The following FBXW4 variants were observed in gnomAD, a reference collection of about 807,000 sequenced individuals.
FBXW4 encodes the protein F-box and WD repeat domain containing 4, also known as F-box/WD repeat-containing protein 4.
A neutral mutation model predicts 61.8 loss-of-function variants in FBXW4; 40 were observed. The ratio of observed to expected loss-of-function variants is 0.65; its 90% CI spans 0.50 to 0.84. The LOEUF (loss-of-function observed/expected upper bound fraction) is 0.84, where lower values mean the gene tolerates loss of function less well. Ranked by LOEUF, FBXW4 falls within the 40% of genes least tolerant of loss-of-function variation. The pLI, the probability that FBXW4 is intolerant of heterozygous loss-of-function variation, is 0.00. For synonymous variants in FBXW4, 311 were observed against 313.8 expected (o/e 0.99, Z 0.10); for missense variants, 672 against 753.8 (o/e 0.89, Z 1.27).
chr10:101,660,097 G>C, intron 5 of FBXW4: 1 of 985,428 alleles, frequency 1.0e-6, no homozygotes, highest in Non-Finnish European at 1.2e-6. Flanking sequence ...GGAGGGGTCG[G>C]AGTCAGATTG....
chr10:101,614,250 A>G (rs1215736702), intron 6 of FBXW4, among the ~76,000 whole-genome samples: 1 of 152,208 alleles, frequency 6.6e-6, no homozygotes, highest in Non-Finnish European at 1.5e-5. Context: ...CTATAGAAGT[A>G]ATTTCATGTT....
chr10:101,694,977 T>C lies in FBXW4; in HGVS notation c.129A>G (p.Gly43=). Residue 43 remains glycine, a synonymous_variant, in exon 1 of 9, where the codon GGA becomes GGG. Coordinates refer to ENST00000331272, the MANE Select transcript of FBXW4 (RefSeq NM_022039.4). This position sits in a 1 kb window ranked among gnomAD's most constrained non-coding sequence, Gnocchi z 6.0. ...RGKRRKGKGK[G]KARAGQGGRG... is the part of the protein sequence containing the mutation. ...TTCCGCCTTGCCCCGCTCTCGCTTT[T>C]CCCTTCCCCTTCCCCTTCCTTCGCT... The C allele has an allele frequency of 2.5e-6, 3 of 1,181,598 alleles. No homozygotes were observed. Among genetic ancestry groups the C allele is most frequent in the African/African-American group, 1.6e-5 (1 of 63,298 alleles). The allele number at this position is 1,181,598 out of a possible 1,614,324, so 73.2% of individuals were successfully genotyped here.
chr10:101,683,650 G>C (rs1357225269), intron 1 of FBXW4, among the ~76,000 whole-genome samples: 1 of 152,080 alleles, frequency 6.6e-6, no homozygotes, highest in African/African-American at 2.4e-5. Flanking sequence ...TGGCTGGGGG[G>C]AAGGAAGGGG....
chr10:101,657,200 G>A (rs1427409125), intron 5 of FBXW4, among the ~76,000 whole-genome samples: 3 of 152,128 alleles, frequency 2.0e-5, no homozygotes, highest in Admixed American at 6.5e-5. Context: ...CAAGAGAGGA[G>A]TAAGAACAAG....
intron 5 of FBXW4, among the ~76,000 whole-genome samples, chr10:101,646,271 C>T (rs761427909): frequency 2.6e-5 from 4 of 152,216 alleles, no homozygotes; most frequent in Non-Finnish European, 4.4e-5. Flanking sequence ...CAAATTTAAC[C>T]TGGCCAGGGC....
intron 1 of FBXW4, among the ~76,000 whole-genome samples, chr10:101,681,106 G>A (rs1356424331): frequency 6.6e-6 from 1 of 152,184 alleles, no homozygotes; most frequent in Admixed American, 6.5e-5. Flanking sequence ...AACAGGTCTA[G>A]GCTGGGCTTG....
chr10:101,627,765 T>C (rs1252222447), intron 5 of FBXW4, among the ~76,000 whole-genome samples: 2 of 152,182 alleles, frequency 1.3e-5, no homozygotes, highest in African/African-American at 2.4e-5. Flanking sequence ...AGAAAGTGAA[T>C]ATGAAGCAAA....
intron 2 of FBXW4, among the ~76,000 whole-genome samples, chr10:101,674,465 T>A (rs1314135508): frequency 6.6e-6 from 1 of 152,158 alleles, no homozygotes; most frequent in Non-Finnish European, 1.5e-5. Context: ...CCGCAATAGA[T>A]CAGTTAAGGT....
intron 6 of FBXW4, among the ~76,000 whole-genome samples, chr10:101,614,785 G>A (rs1460849363): frequency 6.6e-6 from 1 of 152,186 alleles, no homozygotes; most frequent in African/African-American, 2.4e-5. Flanking sequence ...AAACTGACAC[G>A]CCAGGCTCTG....
intron 5 of FBXW4, among the ~76,000 whole-genome samples, chr10:101,651,367 A>G (rs1011104729): frequency 2.0e-5 from 3 of 152,062 alleles, no homozygotes; most frequent in Admixed American, 2.0e-4. Flanking sequence ...AGGGAGAGAA[A>G]GCCACAGGAT....
intron 4 of FBXW4, among the ~76,000 whole-genome samples, chr10:101,668,288 T>G (rs1279941483): frequency 6.6e-6 from 1 of 152,038 alleles, no homozygotes; most frequent in African/African-American, 2.4e-5. Flanking sequence ...TGAGAAGAAG[T>G]GGGTGGGTGG....
intron 5 of FBXW4, among the ~76,000 whole-genome samples, chr10:101,647,498 C>G (rs930365350): frequency 6.6e-6 from 1 of 152,224 alleles, no homozygotes; most frequent in East Asian, 1.9e-4. Context: ...CCCACTCACA[C>G]CACACCAACA....
At position 101,694,303 on chromosome 10, in the gene FBXW4, C is replaced by T. The variant is rs1343672719; in HGVS notation, c.725+78G>A. 1 of 1,299,920 alleles carries T rather than the reference C, an allele frequency of 7.7e-7. No individual in the cohort carries two copies. The allele number at this position is 1,299,920 out of a possible 1,614,324, so 80.5% of individuals were successfully genotyped here. The stretch of plus-strand genomic sequence containing the variant: ...GGGTGCGACACGACCCTGGGCCGAC[C>T]AGGCCGCGGCGCCCCGCCCTTTCCC... On this transcript the variant is annotated intron_variant, in intron 1 of 8. Coordinates refer to ENST00000331272, the MANE Select transcript of FBXW4 (RefSeq NM_022039.4). The surrounding 1 kb of genome is among the most constrained non-coding windows in gnomAD (Gnocchi z 6.0).
chr10:101,622,738 A>G (rs1338394525), intron 6 of FBXW4: 33 of 151,526 alleles, frequency 2.2e-4, no homozygotes, highest in Middle Eastern at 3.4e-3. Context: ...AAAAAAAAAA[A>G]AAAAAAAAAA....
chr10:101,621,302 G>A (rs2063864971), intron 6 of FBXW4, among the ~76,000 whole-genome samples: 1 of 152,200 alleles, frequency 6.6e-6, no homozygotes, highest in South Asian at 2.1e-4. Context: ...CAAGGTGGGA[G>A]GATCACTTGA....
intron 1 of FBXW4, among the ~76,000 whole-genome samples, chr10:101,687,688 T>C (rs1589784201): frequency 6.6e-6 from 1 of 152,166 alleles, no homozygotes; most frequent in East Asian, 1.9e-4. Flanking sequence ...ACACACTTCA[T>C]ACAAATACGA....
intron 5 of FBXW4, among the ~76,000 whole-genome samples, chr10:101,651,451 TCAGGG>T (rs2064145169): frequency 6.6e-6 from 1 of 152,042 alleles, no homozygotes; most frequent in African/African-American, 2.4e-5. Flanking sequence ...CATACAGAGG[TCAGGG>T]CTGGGTCTCC....
At chr10:101,681,484 G>A (rs1052095128) in intron 1 of FBXW4, among the ~76,000 whole-genome samples, 8 of 150,876 alleles carry the variant, frequency 5.3e-5, no homozygotes, top group Non-Finnish European at 8.9e-5. Context: ...TTGGGAGGCC[G>A]AGGCAGGCGG....
intron 5 of FBXW4, among the ~76,000 whole-genome samples, chr10:101,652,024 G>A (rs1304659947): frequency 6.6e-6 from 1 of 151,886 alleles, no homozygotes; most frequent in African/African-American, 2.4e-5. Flanking sequence ...GGAGGGGAGA[G>A]ATTCCCTCCC....
Sources: allele counts gnomAD v4.1 joint callset (sites outside exome capture counted in the v4.1 genomes callset), GRCh38; gene constraint gnomAD v4.1.1; non-coding constraint Gnocchi (gnomAD v3.1); transcripts MANE v1.5; gene names NCBI Gene and HGNC (gene_info 2026-07-23, HGNC 2026-07-21).